The following RAB4A variants were observed in gnomAD, a reference collection of about 807,000 sequenced individuals.
RAB4A encodes ras-related protein Rab-4A.
Under a neutral mutation model 34.5 loss-of-function variants are expected in RAB4A, and 20 were observed. That is an observed-to-expected ratio of 0.58 (90% confidence interval 0.41 to 0.84). RAB4A has a LOEUF of 0.84. Ranked by LOEUF, RAB4A falls within the 40% of genes least tolerant of loss-of-function variation. The pLI is 0.00. For missense variants in RAB4A, 228 were observed against 274.5 expected (o/e 0.83, Z 1.20); for synonymous variants, 102 against 100.0 (o/e 1.02, Z -0.12).
intron 1 of RAB4A, among the ~76,000 whole-genome samples, chr1:229,273,370 G>A (rs1656550786): frequency 6.6e-6 from 1 of 152,204 alleles, no homozygotes; most frequent in South Asian, 2.1e-4. Context: ...TTCCAAGTAT[G>A]TTTTTACTTT....
intron 4 of RAB4A, 140 bp from the exon 5 acceptor site, chr1:229,297,342 C>T: frequency 1.3e-6 from 1 of 759,816 alleles, no homozygotes; most frequent in Non-Finnish European, 2.0e-6. Context: ...TTGGTGCATT[C>T]ACGTTGTCTG....
At chr1:229,278,718 C>T (rs759774931) in intron 1 of RAB4A, among the ~76,000 whole-genome samples, 1 of 152,214 alleles carries the variant, frequency 6.6e-6, no homozygotes, top group Non-Finnish European at 1.5e-5. Flanking sequence ...CTTTAACCAC[C>T]TCTGTCTCTC....
chr1:229,294,502 C>T (rs574613552), intron 3 of RAB4A, among the ~76,000 whole-genome samples: 4 of 152,260 alleles, frequency 2.6e-5, no homozygotes, highest in South Asian at 2.1e-4. Flanking sequence ...ACTAGGTTGG[C>T]GGTGAAGAAG....
intron 1 of RAB4A, among the ~76,000 whole-genome samples, chr1:229,283,164 C>G (rs1656819899): frequency 6.6e-6 from 1 of 152,214 alleles, no homozygotes; most frequent in South Asian, 2.1e-4. Flanking sequence ...TCCATTGACA[C>G]ATGAGAGGAA....
chr1:229,298,399 A>G (rs1657298831), intron 5 of RAB4A, among the ~76,000 whole-genome samples: 1 of 152,252 alleles, frequency 6.6e-6, no homozygotes, highest in African/African-American at 2.4e-5. Flanking sequence ...GATGTCATCT[A>G]AACTCATTTT....
chr1:229,284,233 G>A (rs1414880082), intron 1 of RAB4A, among the ~76,000 whole-genome samples: 1 of 151,048 alleles, frequency 6.6e-6, no homozygotes, highest in African/African-American at 2.4e-5. Context: ...CTGAGTAGCT[G>A]GGATTACAGG....
intron 1 of RAB4A, among the ~76,000 whole-genome samples, chr1:229,277,744 C>T (rs754126483): frequency 2.8e-4 from 42 of 151,242 alleles, no homozygotes; most frequent in Non-Finnish European, 6.0e-4. Flanking sequence ...TCTCTTCTAC[C>T]ACCTCTTCAG....
chr1:229,289,118 A>G, intron 3 of RAB4A: 1 of 279,182 alleles, frequency 3.6e-6, no homozygotes, highest in Non-Finnish European at 6.6e-6. Context: ...GGCACTGTGT[A>G]TTGTACAGTA....
In RAB4A at chr1:229,295,752, G is replaced by A; in HGVS notation, c.228-96G>A. ...AAACCAGTGTCTGTCCCTGTGTTGTGGTTTACAAAGCAAGCATGGGTGTTT... is the reference window on the plus strand; with the variant it reads ...AAACCAGTGTCTGTCCCTGTGTTGTAGTTTACAAAGCAAGCATGGGTGTTT... On this transcript the variant is annotated intron_variant, in intron 3 of 7. Coordinates refer to ENST00000366690, the MANE Select transcript of RAB4A (RefSeq NM_004578.4). 2.7e-6 allele frequency: 3 copies of A among 1,113,296 alleles called. No individual in the cohort carries two copies. The South Asian group carries it at 3.9e-5, about 15-fold the overall frequency. The allele number at this position is 1,113,296 out of a possible 1,614,324, so 69.0% of individuals were successfully genotyped here.
chr1:229,302,026 T>A (rs1461576690), intron 6 of RAB4A, among the ~76,000 whole-genome samples: 3 of 151,496 alleles, frequency 2.0e-5, no homozygotes, highest in Non-Finnish European at 4.4e-5. Flanking sequence ...ACTTCAAATT[T>A]CAGATTTTCA....
intron 1 of RAB4A, among the ~76,000 whole-genome samples, chr1:229,279,199 T>C (rs1656719440): frequency 1.3e-5 from 2 of 152,314 alleles, no homozygotes; most frequent in South Asian, 2.1e-4. Context: ...ATGAAATGCA[T>C]CATACAGTCA....
chr1:229,275,448 C>T (rs1050435215), intron 1 of RAB4A, among the ~76,000 whole-genome samples: 5 of 152,082 alleles, frequency 3.3e-5, no homozygotes, highest in Admixed American at 3.3e-4. Flanking sequence ...AGACAATAAA[C>T]TTCTGTTGTT....
chr1:229,291,968 C>CA (rs1178035292), intron 3 of RAB4A, among the ~76,000 whole-genome samples: 1 of 149,010 alleles, frequency 6.7e-6, no homozygotes, highest in Non-Finnish European at 1.5e-5. Context: ...ATCGCAAGAA[C>CA]AAAAAACCAA....
At chr1:229,283,216 C>T (rs993616189) in intron 1 of RAB4A, among the ~76,000 whole-genome samples, 2 of 152,180 alleles carry the variant, frequency 1.3e-5, no homozygotes, top group African/African-American at 2.4e-5. Flanking sequence ...AGAATGTTCT[C>T]GTCCCTCTTT....
At chr1:229,298,002 C>G (rs768433250) in intron 5 of RAB4A, among the ~76,000 whole-genome samples, 6 of 152,006 alleles carry the variant, frequency 3.9e-5, no homozygotes, top group African/African-American at 9.7e-5. Context: ...GAAATATTAA[C>G]CCAAATAGAA....
At chr1:229,300,751 G>T (rs1257180890) in intron 6 of RAB4A, among the ~76,000 whole-genome samples, 2 of 152,102 alleles carry the variant, frequency 1.3e-5, no homozygotes, top group African/African-American at 4.8e-5. Flanking sequence ...TTCCTGGCTG[G>T]CAGTATAAGT....
At chr1:229,292,148 C>T (rs529058053) in intron 3 of RAB4A, among the ~76,000 whole-genome samples, 2 of 151,194 alleles carry the variant, frequency 1.3e-5, no homozygotes, top group South Asian at 4.2e-4. Flanking sequence ...AGCACACCAG[C>T]ATGGCACATG....
rs531507609 is a variant in RAB4A at position 229,278,828 on chromosome 1, C to A, written c.31+7458C>A. On this transcript the variant is annotated intron_variant, in intron 1 of 7. Coordinates refer to ENST00000366690, the MANE Select transcript of RAB4A (RefSeq NM_004578.4). The stretch of plus-strand genomic sequence containing the variant: ...AACTGACTGTAATTAGGATTTTGCC[C>A]CCACCTGAAATGATGTTGGTTTCAC... Among the ~76,000 whole-genome samples the A allele has an allele frequency of 1.2e-4, 18 of 152,282 alleles. 1 individual carries two copies. In the South Asian group the frequency reaches 3.7e-3, roughly 32 times the overall value.
intron 3 of RAB4A, among the ~76,000 whole-genome samples, chr1:229,291,769 GTTTAA>G: frequency 6.6e-6 from 1 of 152,172 alleles, no homozygotes; most frequent in East Asian, 1.9e-4. Context: ...AGATGGCTGT[GTTTAA>G]TTTAGAGACT....
Sources: gnomAD v4.1 joint callset for allele counts (sites outside exome capture counted in the v4.1 genomes callset) on GRCh38, gnomAD v4.1.1 for gene constraint, MANE v1.5 for transcripts, NCBI Gene and HGNC (gene_info 2026-07-23, HGNC 2026-07-21) for gene names.